CERS6: variants seen among roughly 807,000 people sequenced by gnomAD.
CERS6 encodes the protein LAG1 homolog, ceramide synthase 6.
A neutral mutation model predicts 56.8 loss-of-function variants in CERS6; 26 were observed. The ratio of observed to expected loss-of-function variants is 0.46; its 90% CI spans 0.34 to 0.63. The LOEUF (loss-of-function observed/expected upper bound fraction) is 0.63. Among genes scored for constraint, CERS6 ranks in the 30% least tolerant of loss-of-function variants. The pLI is 0.01. For missense variants in CERS6, 415 were observed against 467.5 expected, an observed-to-expected ratio of 0.89 and a Z score of 1.04; for synonymous variants, 164 against 173.3, an observed-to-expected ratio of 0.95 and a Z score of 0.42.
intron 4 of CERS6, among the ~76,000 whole-genome samples, chr2:168,651,840 G>C (rs923267203): frequency 6.6e-6 from 1 of 152,176 alleles, no homozygotes; most frequent in African/African-American, 2.4e-5. Flanking sequence ...ACATACGTAA[G>C]CCCTCATCAC....
At chr2:168,531,235 A>G (rs1382788711) in intron 1 of CERS6, among the ~76,000 whole-genome samples, 1 of 152,244 alleles carries the variant, frequency 6.6e-6, no homozygotes, top group African/African-American at 2.4e-5. Flanking sequence ...CATTTCAGCA[A>G]GAAGGAATGA....
intron 4 of CERS6, among the ~76,000 whole-genome samples, chr2:168,678,607 T>C (rs985345951): frequency 3.9e-5 from 6 of 152,182 alleles, no homozygotes; most frequent in African/African-American, 1.4e-4. Flanking sequence ...AATTACACTT[T>C]TACTGCCAGC....
chr2:168,721,815 T>C (rs1263600605), intron 8 of CERS6, among the ~76,000 whole-genome samples: 1 of 152,006 alleles, frequency 6.6e-6, no homozygotes. Flanking sequence ...AGACGGGGTC[T>C]CACTGCATTG....
chr2:168,619,078 T>C (rs892802805), intron 3 of CERS6, among the ~76,000 whole-genome samples: 8 of 152,150 alleles, frequency 5.3e-5, no homozygotes, highest in African/African-American at 1.9e-4. Context: ...AGCCAACTTA[T>C]CTTCAACAAA....
chr2:168,496,391 A>T (rs1172934566), intron 1 of CERS6, among the ~76,000 whole-genome samples: 6 of 151,048 alleles, frequency 4.0e-5, no homozygotes, highest in Non-Finnish European at 7.4e-5. Context: ...AAACAACTAA[A>T]GATTTGAGCT....
intron 6 of CERS6, among the ~76,000 whole-genome samples, chr2:168,704,514 A>G (rs1217437140): frequency 6.6e-6 from 1 of 151,952 alleles, no homozygotes; most frequent in Non-Finnish European, 1.5e-5. Context: ...CCATCCCCAT[A>G]AATATAAACA....
At chr2:168,595,444 T>C (rs1683775453) in intron 3 of CERS6, among the ~76,000 whole-genome samples, 1 of 152,198 alleles carries the variant, frequency 6.6e-6, no homozygotes, top group Non-Finnish European at 1.5e-5. Flanking sequence ...TTGGGGAGTG[T>C]AAAAATCAAT....
chr2:168,547,569 C>A lies in CERS6; in HGVS notation c.171-27C>A, dbSNP rs767138570. On this transcript the variant is annotated intron_variant, in intron 1 of 9. Transcript: ENST00000305747. Reference sequence around the variant, plus strand: ...CATAGAAAGAATAAATTCTGACCTTCTACTTTTTTCTTTTTGTAATTTTTA... The same window carrying A: ...CATAGAAAGAATAAATTCTGACCTTATACTTTTTTCTTTTTGTAATTTTTA... 8 of 1,427,794 alleles carry A rather than the reference C, an allele frequency of 5.6e-6. No homozygotes were observed. In the East Asian group the frequency reaches 1.6e-4, roughly 29 times the overall value. 88.4% of individuals were successfully genotyped at this position (1,427,794 alleles called of 1,614,324 possible).
intron 2 of CERS6, among the ~76,000 whole-genome samples, chr2:168,558,723 G>A (rs528845470): frequency 6.6e-6 from 1 of 152,166 alleles, no homozygotes; most frequent in Non-Finnish European, 1.5e-5. Flanking sequence ...CAAAAAATTA[G>A]CAGGGTGTGG....
chr2:168,690,297 A>T (rs897522145), intron 4 of CERS6, among the ~76,000 whole-genome samples: 1 of 152,144 alleles, frequency 6.6e-6, no homozygotes, highest in Non-Finnish European at 1.5e-5. Flanking sequence ...CTTCTTTTGA[A>T]ATTATTTTGA....
chr2:168,602,904 C>T (rs1347781702), intron 3 of CERS6, among the ~76,000 whole-genome samples: 1 of 152,202 alleles, frequency 6.6e-6, no homozygotes, highest in African/African-American at 2.4e-5. Context: ...TCTTTGGGGG[C>T]ACTGATGGAG....
intron 1 of CERS6, among the ~76,000 whole-genome samples, chr2:168,479,403 T>C (rs1486641530): frequency 1.3e-5 from 2 of 152,206 alleles, no homozygotes; most frequent in Non-Finnish European, 2.9e-5. Flanking sequence ...ATGTTTAAAT[T>C]ACAGACTTTA....
At chr2:168,578,495 T>C (rs1046778387) in intron 3 of CERS6, among the ~76,000 whole-genome samples, 1 of 152,230 alleles carries the variant, frequency 6.6e-6, no homozygotes, top group Non-Finnish European at 1.5e-5. Flanking sequence ...TGAATTTCTC[T>C]TGAGTTTTAG....
At chr2:168,524,184 A>C (rs1301678388) in intron 1 of CERS6, among the ~76,000 whole-genome samples, 1 of 152,220 alleles carries the variant, frequency 6.6e-6, no homozygotes, top group East Asian at 1.9e-4. Flanking sequence ...AGGAAGTCTC[A>C]AAGGACCTTG....
intron 3 of CERS6, among the ~76,000 whole-genome samples, chr2:168,598,780 TA>T (rs1683864498): frequency 6.6e-6 from 1 of 152,198 alleles, no homozygotes; most frequent in Admixed American, 6.5e-5. Flanking sequence ...TGGTGTCAAA[TA>T]TTGCGGTGAT....
At chr2:168,623,492 A>G (rs963046904) in intron 3 of CERS6, among the ~76,000 whole-genome samples, 1 of 152,138 alleles carries the variant, frequency 6.6e-6, no homozygotes, top group African/African-American at 2.4e-5. Context: ...GCCGTGTTAC[A>G]ATCTTTAGAG....
At chr2:168,540,781 A>T (rs1695354011) in intron 1 of CERS6, among the ~76,000 whole-genome samples, 1 of 152,152 alleles carries the variant, frequency 6.6e-6, no homozygotes, top group Non-Finnish European at 1.5e-5. Context: ...TTGTCTGGTG[A>T]ATTACAATAT....
intron 8 of CERS6, among the ~76,000 whole-genome samples, chr2:168,765,016 T>A (rs775140432): frequency 6.6e-6 from 1 of 152,202 alleles, no homozygotes; most frequent in Non-Finnish European, 1.5e-5. Context: ...TTATACGTAT[T>A]ATAATTCAGC....
intron 1 of CERS6, among the ~76,000 whole-genome samples, chr2:168,541,166 C>A (rs920852187): frequency 1.3e-5 from 2 of 152,058 alleles, no homozygotes; most frequent in East Asian, 3.9e-4. Context: ...CTAGAGCTCA[C>A]CCACCCCTGA....
Sources: allele counts gnomAD v4.1 joint callset (sites outside exome capture counted in the v4.1 genomes callset), GRCh38; gene constraint gnomAD v4.1.1; transcripts MANE v1.5; gene names NCBI Gene and HGNC (gene_info 2026-07-23, HGNC 2026-07-21).